Variants in DNAL1 observed in about 807,000 individuals in gnomAD.
DNAL1 encodes the protein dynein axonemal light chain 1.
Under a neutral mutation model 29.4 loss-of-function variants are expected in DNAL1, and 17 were observed. That is an observed-to-expected ratio of 0.58 (90% CI 0.40 to 0.87). The LOEUF is 0.87. Ranked by LOEUF, DNAL1 falls within the 40% of genes least tolerant of loss-of-function variation. DNAL1 has a pLI of 0.00. For synonymous variants in DNAL1, 78 were observed against 76.3 expected (o/e 1.02, Z -0.12); for missense variants, 188 against 214.1 (o/e 0.88, Z 0.76).
rs1174401739 is a variant in DNAL1 at position 73,701,562 on chromosome 14, C to CT, written c.*5621dup. The CT allele has an allele frequency of 6.6e-6, 1 of 152,220 alleles. No homozygotes were observed. Among genetic ancestry groups the CT allele is most frequent in the Non-Finnish European group, 1.5e-5 (1 of 68,054 alleles). 9.4% of individuals were successfully genotyped at this position (152,220 alleles called of 1,614,324 possible). A position where few individuals can be genotyped will look rare whatever the true frequency, so the allele number is the denominator to read the frequency against. On this transcript the variant is annotated 3_prime_UTR_variant, in exon 8 of 8. Transcript: ENST00000553645. ...AGATTTTAAATGAATGTAGAGTTGT[C>CT]TAACATTATATGGGTGGGAGGCTCT...
At chr14:73,671,641 C>T (rs766229821) in intron 5 of DNAL1, 44 bp downstream of exon 5, 19 of 1,372,458 alleles carry the variant, frequency 1.4e-5, no homozygotes, top group Middle Eastern at 2.1e-4. Context: ...AATTTGCACA[C>T]ATCTATGAAT....
intron 4 of DNAL1, among the ~76,000 whole-genome samples, chr14:73,665,042 T>G (rs62004918): frequency 0.12 from 18,162 of 152,068 alleles, 2,160 homozygotes; most frequent in East Asian, 0.62. Context: ...AGTATATATA[T>G]AGAGTACTTA....
chr14:73,666,367 T>C (rs1287504380), intron 4 of DNAL1, among the ~76,000 whole-genome samples: 1 of 152,178 alleles, frequency 6.6e-6, no homozygotes, highest in Non-Finnish European at 1.5e-5. Context: ...TGAATAATAA[T>C]CTTAAAGATT....
intron 1 of DNAL1, 62 bp from the exon 2 acceptor site, chr14:73,654,785 C>T (rs989531770): frequency 5.0e-6 from 7 of 1,407,104 alleles, no homozygotes; most frequent in Non-Finnish European, 6.6e-6. Context: ...TACATACATA[C>T]ATACATTCAT....
At chr14:73,683,413 T>C (rs1891938590) in intron 5 of DNAL1, among the ~76,000 whole-genome samples, 3 of 152,110 alleles carry the variant, frequency 2.0e-5, no homozygotes, top group South Asian at 4.1e-4. Flanking sequence ...CACTAGGCAA[T>C]AGGAATTTTT....
chr14:73,662,620 C>T (rs1004975295), intron 4 of DNAL1, among the ~76,000 whole-genome samples: 1 of 152,142 alleles, frequency 6.6e-6, no homozygotes, highest in African/African-American at 2.4e-5. Flanking sequence ...CTTCTGGTGG[C>T]TGCTGCATTC....
Position 73,689,389 on chromosome 14 carries a change from C to G in DNAL1, c.406C>G (p.Leu136Val). 1 of 1,552,612 alleles carries G rather than the reference C, an allele frequency of 6.4e-7. No homozygotes were observed. The highest frequency in any genetic ancestry group is 8.7e-7 in the Non-Finnish European group (1 of 1,147,378). The change falls in exon 7 of 8, where the codon CTG (leucine) becomes GTG (valine). Residue 136 changes from leucine (L) to valine (V), a missense_variant. Physicochemically the swap from Leu to Val is conservative, Grantham distance 32. Coordinates refer to ENST00000553645, the MANE Select transcript of DNAL1 (RefSeq NM_031427.4). Reference sequence around the variant, plus strand: ...TTTACTTGTAGCTGAGTTTGTGAAGCTGGCAGAACTGCCATGCCTCGAAGA... The same window carrying G: ...TTTACTTGTAGCTGAGTTTGTGAAGGTGGCAGAACTGCCATGCCTCGAAGA... ...LVKDWAEFVKLAELPCLEDLV... is the reference protein window; with the variant it reads ...LVKDWAEFVKVAELPCLEDLV...
intron 3 of DNAL1, among the ~76,000 whole-genome samples, chr14:73,661,177 T>C (rs1891335606): frequency 6.6e-6 from 1 of 151,468 alleles, no homozygotes; most frequent in Non-Finnish European, 1.5e-5. Context: ...AAAAAATATA[T>C]ATATTGTTCT....
At chr14:73,679,746 G>A (rs931441662) in intron 5 of DNAL1, among the ~76,000 whole-genome samples, 1 of 151,882 alleles carries the variant, frequency 6.6e-6, no homozygotes, top group Non-Finnish European at 1.5e-5. Flanking sequence ...TCAGTGTTTT[G>A]TATTTTACAT....
intron 1 of DNAL1, among the ~76,000 whole-genome samples, chr14:73,647,376 A>AAAAAAAG (rs1891003877): frequency 9.1e-6 from 1 of 110,004 alleles, no homozygotes; most frequent in Non-Finnish European, 1.9e-5. Flanking sequence ...AAAAAAAAAA[A>AAAAAAAG]AAAAAGAAAA....
intron 1 of DNAL1, among the ~76,000 whole-genome samples, chr14:73,647,809 T>A (rs190101768): frequency 2.0e-3 from 311 of 152,340 alleles, no homozygotes; most frequent in African/African-American, 7.4e-3. Flanking sequence ...GTGAAAATAC[T>A]TTTTTATGGA....
At chr14:73,654,587 A>G (rs371876457) in intron 1 of DNAL1, among the ~76,000 whole-genome samples, 2 of 152,190 alleles carry the variant, frequency 1.3e-5, no homozygotes, top group African/African-American at 4.8e-5. Flanking sequence ...GTGAAACCCC[A>G]TCTCTACTAA....
Position 73,698,521 on chromosome 14 carries a change from T to C in DNAL1, c.*2579T>C, listed in dbSNP as rs550751048. 7.2e-6 allele frequency: 1 copy of C among 139,274 alleles called. No individual in the cohort carries two copies. The highest frequency in any genetic ancestry group is 1.6e-5 in the Non-Finnish European group (1 of 60,726). The allele number at this position is 139,274 out of a possible 1,614,324, so 8.6% of individuals were successfully genotyped here. On this transcript the variant is annotated 3_prime_UTR_variant, in exon 8 of 8. Coordinates refer to ENST00000553645, the MANE Select transcript of DNAL1 (RefSeq NM_031427.4). ...GATCATTTAAATTTTTTCTATTCTG[T>C]TTTTTTTTGTTTGTTTGTTTGTTTG... is the stretch of plus-strand genomic sequence containing the variant.
rs146814039 is a variant in DNAL1 at position 73,669,510 on chromosome 14, C to T, written c.209-2032C>T. On this transcript the variant is annotated intron_variant, in intron 4 of 7. Coordinates refer to ENST00000553645, the MANE Select transcript of DNAL1 (RefSeq NM_031427.4). ...CAGGATGGTCTCGATCTTCTGACCTCGTGATCCACCCGCCTCGGCCTCCCA... is the reference window on the plus strand; with the variant it reads ...CAGGATGGTCTCGATCTTCTGACCTTGTGATCCACCCGCCTCGGCCTCCCA... Among the ~76,000 whole-genome samples the T allele has an allele frequency of 5.2e-3, 791 of 151,774 alleles. 10 individuals are homozygous for T. Among genetic ancestry groups the T allele is most frequent in the African/African-American group, 0.018 (755 of 41,406 alleles).
chr14:73,666,938 A>G (rs1891498552), intron 4 of DNAL1, among the ~76,000 whole-genome samples: 1 of 147,068 alleles, frequency 6.8e-6, no homozygotes, highest in Admixed American at 6.8e-5. Flanking sequence ...AGTCCCCACG[A>G]CTCAGTTCTT....
chr14:73,657,121 T>G (rs1187633109), intron 2 of DNAL1, among the ~76,000 whole-genome samples: 3 of 152,038 alleles, frequency 2.0e-5, no homozygotes, highest in African/African-American at 7.2e-5. Flanking sequence ...TTAAGTTTTT[T>G]AAAGGAGTTT....
At chr14:73,680,425 A>C (rs560499359) in intron 5 of DNAL1, among the ~76,000 whole-genome samples, 1 of 152,276 alleles carries the variant, frequency 6.6e-6, no homozygotes, top group African/African-American at 2.4e-5. Context: ...ACGTATTCAT[A>C]TTTTTTATGT....
At chr14:73,688,648 G>C (rs367708832) in intron 6 of DNAL1, among the ~76,000 whole-genome samples, 25 of 152,240 alleles carry the variant, frequency 1.6e-4, no homozygotes, top group African/African-American at 6.0e-4. Context: ...AAAACTGTGT[G>C]ATAAGTTCTG....
intron 7 of DNAL1, among the ~76,000 whole-genome samples, chr14:73,693,269 T>C (rs1295118124): frequency 7.3e-6 from 1 of 137,818 alleles, no homozygotes; most frequent in African/African-American, 2.6e-5. Flanking sequence ...ATTGGCGTTA[T>C]CTACAAAACT....
Sources: allele counts gnomAD v4.1 joint callset (sites outside exome capture counted in the v4.1 genomes callset), GRCh38; gene constraint gnomAD v4.1.1; transcripts MANE v1.5; gene names NCBI Gene and HGNC (gene_info 2026-07-23, HGNC 2026-07-21).